The following OBSL1 variants were observed in gnomAD, a reference collection of about 807,000 sequenced individuals.
OBSL1 encodes obscurin-like protein 1.
In OBSL1, 160 loss-of-function variants were observed where a neutral mutation model predicts 172.0. The ratio of observed to expected loss-of-function variants is 0.93; its 90% confidence interval spans 0.82 to 1.06. The LOEUF is 1.06. Ranked by LOEUF, OBSL1 falls within the 50% of genes least tolerant of loss-of-function variation. OBSL1 has a pLI of 0.00. For synonymous variants in OBSL1, 1,200 were observed against 1,196.3 expected, an observed-to-expected ratio of 1.00 and a Z score of -0.06; for missense variants, 2,681 against 2,715.4, an observed-to-expected ratio of 0.99 and a Z score of 0.28.
rs1014315258 is a variant in OBSL1 at position 219,551,744 on chromosome 2, C to T, written c.5468G>A (p.Gly1823Asp). Residue 1823 changes from glycine (G) to aspartate (D), a missense_variant, in exon 20 of 21, where the codon GGC becomes GAC. Gly to Asp is a moderately conservative substitution (Grantham distance 94). Transcript: ENST00000404537. Reference sequence around the variant, plus strand: ...AGTCACCTCCAGCACCGCCCGGCGGCCCACCAGAACGGTCTTCTCGCGAGG... The same window carrying T: ...AGTCACCTCCAGCACCGCCCGGCGGTCCACCAGAACGGTCTTCTCGCGAGG... ...HPPREKTVLV[G>D]RRAVLEVTVS... 5.6e-6 allele frequency: 9 copies of T among 1,599,636 alleles called. No individual in the cohort carries two copies. Among genetic ancestry groups the T allele is most frequent in the Non-Finnish European group, 7.7e-6 (9 of 1,171,328 alleles).
At chr2:219,547,488 GC>G, downstream of OBSL1, 1 of 1,401,894 alleles carries the variant, frequency 7.1e-7, no homozygotes. Context: ...CCCCTCACTA[GC>G]CCCTGTTCCC....
intron 17 of OBSL1, 74 bp downstream of exon 17, chr2:219,552,794 A>G (rs1276823781): frequency 1.3e-6 from 2 of 1,520,540 alleles, no homozygotes; most frequent in Non-Finnish European, 1.8e-6. Context: ...CGCGGTCATC[A>G]GGGTCCGGGG....
At position 219,557,444 on chromosome 2, in the gene OBSL1, GC is replaced by G; in HGVS notation, c.3964del (p.Ala1322ProfsTer39). 6.5e-7 allele frequency: 1 copy of G among 1,548,424 alleles called. No individual in the cohort carries two copies. The highest frequency in any genetic ancestry group is 8.7e-7 in the Non-Finnish European group (1 of 1,147,082). On this transcript the variant is annotated frameshift_variant, in exon 12 of 21. Transcript: ENST00000404537. LOFTEE classifies it high-confidence loss of function. ...QGRVQLEQAG[A>X]RQVLRVQGAR... ...CCCCTGCACCCGCAGCACCTGCCTG[GC>G]CCCGGCCTGCTCCAGCTGCACCCGC...
At chr2:219,570,189 G>T in intron 1 of OBSL1, 32 bp downstream of exon 1, 1 of 1,494,392 alleles carries the variant, frequency 6.7e-7, no homozygotes, top group Non-Finnish European at 8.9e-7. Context: ...GGACACTCGA[G>T]GCCCCTCCCT....
rs55873563 is a variant in OBSL1 at position 219,557,307 on chromosome 2, G to A, written c.4066+36C>T. On this transcript the variant is annotated intron_variant, in intron 12 of 20. Transcript: ENST00000404537. ...GAAAGTGGCAGATGGTCCTTGGGGTGCCACAGCCCACAGGGTGTGAGGGGT... is the reference window on the plus strand; with the variant it reads ...GAAAGTGGCAGATGGTCCTTGGGGTACCACAGCCCACAGGGTGTGAGGGGT... 0.17 allele frequency: 247,560 copies of A among 1,435,688 alleles called. 22,838 individuals are homozygous for A. Among genetic ancestry groups the A allele is most frequent in the Admixed American group, 0.2 (7,149 of 36,210 alleles). The allele number at this position is 1,435,688 out of a possible 1,614,324, so 88.9% of individuals were successfully genotyped here. A position where few individuals can be genotyped will look rare whatever the true frequency, so the allele number is the denominator to read the frequency against.
downstream of OBSL1, chr2:219,548,200 G>C: frequency 2.1e-6 from 2 of 959,610 alleles, no homozygotes. Flanking sequence ...GTAGAGAGCT[G>C]ACTTGCTCAG....
Position 219,552,562 on chromosome 2 carries a change from C to G in OBSL1, c.5282G>C (p.Gly1761Ala), listed in dbSNP as rs765022188. The G allele has an allele frequency of 6.3e-7, 1 of 1,596,276 alleles. No individual in the cohort carries two copies. Among genetic ancestry groups the G allele is most frequent in the Admixed American group, 1.7e-5 (1 of 59,570 alleles). The change falls in exon 18 of 21, where the codon GGA becomes GCA. Residue 1761 changes from glycine (G) to alanine (A), a missense_variant. Gly to Ala is a moderately conservative substitution (Grantham distance 60). Around this residue, in one of 5 missense-constraint regions of OBSL1, gnomAD observed 1,765 missense variants for 1,748.3 expected, o/e 1.01. Transcript: ENST00000404537. ...TTCCTGTCGGATGCGGACGCGGGCT[C>G]CGGGTCTCAGCGGGCGGCCTCCGAG... ...WELGGRPLRP[G>A]ARVRIRQEGK... is the part of the protein sequence containing the mutation.
downstream of OBSL1, chr2:219,548,947 A>C (rs1695458453): frequency 1.7e-6 from 1 of 595,394 alleles, no homozygotes; most frequent in Non-Finnish European, 3.0e-6. Flanking sequence ...AACCTTCCAT[A>C]AAGACCTATG....
chr2:219,550,766 C>A lies in OBSL1; in HGVS notation c.*69G>T. 6.4e-7 allele frequency: 1 copy of A among 1,567,928 alleles called. No individual in the cohort carries two copies. The highest frequency in any genetic ancestry group is 2.3e-5 in the East Asian group (1 of 43,524). On this transcript the variant is annotated 3_prime_UTR_variant, in exon 21 of 21. Coordinates refer to ENST00000404537, the MANE Select transcript of OBSL1 (RefSeq NM_015311.3). ...TTTTATTGTTCCTTGTCTCTCTACC[C>A]CTGCCCAGGGTAAGGGCAAACGCCT...
At chr2:219,551,196 G>T in intron 20 of OBSL1, 3 of 1,386,192 alleles carry the variant, frequency 2.2e-6, no homozygotes, top group Non-Finnish European at 1.9e-6. Flanking sequence ...GAGGAAGGCA[G>T]TGTTGGTGAA....
At position 219,552,620 on chromosome 2, in the gene OBSL1, C is replaced by T; in HGVS notation, c.5224G>A (p.Val1742Met). ...CGCCCCGTGGTCTCGACCTCCGACA[C>T]GGTGCACTCGAACGTAGCGCCGTCG... The part of the protein sequence containing the change: ...EGDGATFECT[V>M]SEVETTGRWE... Residue 1742 changes from valine to methionine, a missense_variant, in exon 18 of 21, where the codon GTG becomes ATG. Val to Met is a conservative substitution (Grantham distance 21). This residue lies in a region of OBSL1 where 1,765 missense variants were observed against 1,748.3 expected (regional missense o/e 1.01). Transcript: ENST00000404537. 1 of 1,570,516 alleles carries T rather than the reference C, an allele frequency of 6.4e-7. No homozygotes were observed.
At position 219,559,280 on chromosome 2, in the gene OBSL1, G is replaced by A. The variant is rs765709164; in HGVS notation, c.3171C>T (p.Gly1057=). ...VLPAAQPEDG[G]EFVCDAGDDS... ...CATCTCCAGCATCACATACAAACTC[G>A]CCCCCGTCCTCGGGCTGAGCAGCAG... The change falls in exon 9 of 21, where the codon GGC becomes GGT. Residue 1057 remains glycine, a synonymous_variant. Transcript: ENST00000404537. 34 of 1,613,258 alleles carry A rather than the reference G, an allele frequency of 2.1e-5. No individual in the cohort carries two copies. The highest frequency in any genetic ancestry group is 2.8e-5 in the Non-Finnish European group (33 of 1,179,500).
chr2:219,563,037 C>G, intron 7 of OBSL1: 1 of 475,528 alleles, frequency 2.1e-6, no homozygotes, highest in South Asian at 4.1e-5. Flanking sequence ...TTTTTGCCCC[C>G]CTAGTGCCTG....
In OBSL1 at chr2:219,559,504, G is replaced by T. The variant is rs1696305125; in HGVS notation, c.2954-7C>A. On this transcript the variant is annotated splice_region_variant and splice_polypyrimidine_tract_variant and intron_variant, in intron 8 of 20. Coordinates refer to ENST00000404537, the MANE Select transcript of OBSL1 (RefSeq NM_015311.3). ...ATGATCCGCACTGGGGGTTCTGCAG[G>T]GTGGGGACAACCACAGCCTGTCACA... 6.2e-7 allele frequency: 1 copy of T among 1,602,708 alleles called. No individual in the cohort carries two copies. The highest frequency in any genetic ancestry group is 8.5e-7 in the Non-Finnish European group (1 of 1,170,684).
Position 219,558,090 on chromosome 2 carries a change from C to G in OBSL1, c.3523G>C (p.Ala1175Pro), listed in dbSNP as rs369797519. 25 of 1,613,744 alleles carry G rather than the reference C, an allele frequency of 1.5e-5. No homozygotes were observed. The African/African-American group carries it at 3.3e-4, about 21-fold the overall frequency. The change falls in exon 11 of 21, where the codon GCT (alanine) becomes CCT (proline). Residue 1175 changes from alanine to proline, a missense_variant. This residue lies in a region of OBSL1 where 1,765 missense variants were observed against 1,748.3 expected (regional missense o/e 1.01). Transcript: ENST00000404537. ...ILAEPPVQFLALETTPSPLCV... is the reference protein window; with the variant it reads ...ILAEPPVQFLPLETTPSPLCV... ...AGCGGGCTTGGAGTTGTCTCTAGAG[C>G]AAGGAACTGCACTGGAGGCTCTGGA...
chr2:219,547,303 C>T (rs975027449), downstream of OBSL1: 8 of 458,410 alleles, frequency 1.7e-5, no homozygotes, highest in Non-Finnish European at 3.1e-5. Flanking sequence ...CCATTGACCA[C>T]CAACAGCCAT....
chr2:219,547,634 G>A (rs763291126), downstream of OBSL1: 5 of 1,518,934 alleles, frequency 3.3e-6, no homozygotes, highest in East Asian at 4.6e-5. Context: ...CGCGGGCATC[G>A]CTCTGGGCAT....
rs753952438 is a variant in OBSL1 at position 219,552,688 on chromosome 2, A to G, written c.5156T>C (p.Val1719Ala). The G allele has an allele frequency of 3.9e-6, 6 of 1,530,216 alleles. No individual in the cohort carries two copies. Among genetic ancestry groups the G allele is most frequent in the Non-Finnish European group, 4.4e-6 (5 of 1,141,198 alleles). 94.8% of individuals were successfully genotyped at this position (1,530,216 alleles called of 1,614,324 possible). Residue 1719 changes from valine (V) to alanine (A), a missense_variant, in exon 18 of 21, where the codon GTG becomes GCG. Around this residue, in one of 5 missense-constraint regions of OBSL1, gnomAD observed 1,765 missense variants for 1,748.3 expected, o/e 1.01. Transcript: ENST00000404537. ...CGACCGCAGCTCGGAGAGTACCGCC[A>G]CAGTACGCTCTGGGGCGGAGCCCGG... is the stretch of plus-strand genomic sequence containing the variant. The part of the protein sequence containing the change: ...PVRLTVRERT[V>A]AVLSELRSVS...
At chr2:219,560,694 A>C (rs1013679814) in intron 8 of OBSL1, among the ~76,000 whole-genome samples, 1 of 152,144 alleles carries the variant, frequency 6.6e-6, no homozygotes, top group African/African-American at 2.4e-5. Flanking sequence ...CCCAGCCTCC[A>C]CGGAGACTCC....
Sources: allele counts gnomAD v4.1 joint callset (sites outside exome capture counted in the v4.1 genomes callset), GRCh38; gene constraint gnomAD v4.1.1; regional missense constraint gnomAD v4.1.1; transcripts MANE v1.5; gene names NCBI Gene and HGNC (gene_info 2026-07-23, HGNC 2026-07-21).